The following NCS1 variants were observed in gnomAD, a reference collection of about 807,000 sequenced individuals.
NCS1 encodes neuronal calcium sensor 1, also known as frequenin homolog.
A neutral mutation model predicts 28.4 loss-of-function variants in NCS1; 6 were observed. The observed-to-expected ratio is 0.21, with a 90% CI of 0.12 to 0.42. The LOEUF (loss-of-function observed/expected upper bound fraction) is 0.42. Among genes scored for constraint, NCS1 ranks in the 10% least tolerant of loss-of-function variants. The pLI, the probability that NCS1 is intolerant of heterozygous loss-of-function variation, is 1.00. For synonymous variants in NCS1, 86 were observed against 99.3 expected (o/e 0.87, Z 0.79); for missense variants, 131 against 241.4 (o/e 0.54, Z 3.03).
intron 7 of NCS1, among the ~76,000 whole-genome samples, chr9:130,231,170 G>T (rs1833496802): frequency 6.6e-6 from 1 of 151,962 alleles, no homozygotes; most frequent in Non-Finnish European, 1.5e-5. Context: ...GGGCAACATG[G>T]TGAAACCCTG....
chr9:130,215,328 G>T lies in NCS1; in HGVS notation c.90-2504G>T, dbSNP rs547507290. On this transcript the variant is annotated intron_variant, in intron 2 of 7. Transcript: ENST00000372398. This position sits in a 1 kb window ranked among gnomAD's most constrained non-coding sequence, Gnocchi z 4.2. ...TTTAAGGGCCAGGACGGGGGTGGCTGTGTCCCTTCCTCCTGCTGTGGGAAG... is the reference window on the plus strand; with the variant it reads ...TTTAAGGGCCAGGACGGGGGTGGCTTTGTCCCTTCCTCCTGCTGTGGGAAG... Among the ~76,000 whole-genome samples the T allele has an allele frequency of 2.8e-4, 42 of 152,274 alleles. No homozygotes were observed. Among genetic ancestry groups the T allele is most frequent in the African/African-American group, 1.0e-3 (42 of 41,574 alleles).
chr9:130,228,331 C>T (rs555562733), intron 7 of NCS1, among the ~76,000 whole-genome samples: 4 of 151,848 alleles, frequency 2.6e-5, no homozygotes, highest in African/African-American at 9.7e-5. Flanking sequence ...AGACATTTGC[C>T]ACCATATCTG....
intron 1 of NCS1, among the ~76,000 whole-genome samples, chr9:130,184,784 C>T (rs912054346): frequency 4.5e-4 from 56 of 123,896 alleles, no homozygotes; most frequent in Non-Finnish European, 7.7e-4. Context: ...TGCACCACCA[C>T]GCCTGGCTAA....
At chr9:130,227,201 A>C (rs1833427848) in intron 7 of NCS1, among the ~76,000 whole-genome samples, 1 of 152,200 alleles carries the variant, frequency 6.6e-6, no homozygotes, top group African/African-American at 2.4e-5. Flanking sequence ...GAATGATAGC[A>C]CGCCTGGCAG....
At chr9:130,196,413 G>T (rs1478979550) in intron 1 of NCS1, among the ~76,000 whole-genome samples, 1 of 152,184 alleles carries the variant, frequency 6.6e-6, no homozygotes, top group African/African-American at 2.4e-5. Context: ...GAGGCTGCAG[G>T]CGTCTTGACC....
At chr9:130,203,918 G>T (rs1832991104) in intron 2 of NCS1, among the ~76,000 whole-genome samples, 1 of 152,226 alleles carries the variant, frequency 6.6e-6, no homozygotes, top group Non-Finnish European at 1.5e-5. Context: ...TGGAGCCGCA[G>T]ACAGCAGAGT....
chr9:130,196,320 T>G (rs1202953654), intron 1 of NCS1, among the ~76,000 whole-genome samples: 1 of 152,264 alleles, frequency 6.6e-6, no homozygotes, highest in African/African-American at 2.4e-5. Context: ...GATGCCTCTG[T>G]GTCCTCGAGT....
rs981937991 is a variant in NCS1 at position 130,203,238 on chromosome 9, G to T, written c.89+2256G>T. On this transcript the variant is annotated intron_variant, in intron 2 of 7. Coordinates refer to ENST00000372398, the MANE Select transcript of NCS1 (RefSeq NM_014286.4). ...CAATTACAGTGATTCCCCTGCCTCA[G>T]CCTCTCAAGTAGCTGGAACTACAGA... Among the ~76,000 whole-genome samples the T allele has an allele frequency of 2.3e-4, 35 of 151,576 alleles. 1 individual carries two copies. Among genetic ancestry groups the T allele is most frequent in the African/African-American group, 8.2e-4 (34 of 41,288 alleles).
At position 130,222,667 on chromosome 9, in the gene NCS1, G is replaced by A; in HGVS notation, c.325G>A (p.Asp109Asn). Residue 109 changes from aspartate to asparagine, a missense_variant, in exon 5 of 8, where the codon GAC (aspartate) becomes AAC (asparagine). Physicochemically the swap from Asp to Asn is conservative, Grantham distance 23. Around this residue, in one of 2 missense-constraint regions of NCS1, gnomAD observed 100 missense variants for 210.3 expected, o/e 0.48. Transcript: ENST00000372398. ...EKLRWAFKLY[D>N]LDNDGYITRN... is the part of the protein sequence containing the mutation. ...GCTTACAGGGGCCTTCAAGCTCTAC[G>A]ACTTGGACAATGATGGCTACATCAC... 1 of 1,614,040 alleles carries A rather than the reference G, an allele frequency of 6.2e-7. No individual in the cohort carries two copies. Among genetic ancestry groups the A allele is most frequent in the Non-Finnish European group, 8.5e-7 (1 of 1,179,988 alleles).
chr9:130,193,095 G>A (rs1254958188), intron 1 of NCS1, among the ~76,000 whole-genome samples: 1 of 152,214 alleles, frequency 6.6e-6, no homozygotes, highest in African/African-American at 2.4e-5. Flanking sequence ...GCAGGAGGGT[G>A]TGTGCGGCCA....
chr9:130,223,434 A>T (rs1431175873), intron 6 of NCS1, among the ~76,000 whole-genome samples: 1 of 152,028 alleles, frequency 6.6e-6, no homozygotes, highest in Non-Finnish European at 1.5e-5. Context: ...AGAAGCCTAC[A>T]GACTTCTCAG....
At chr9:130,198,408 A>G (rs574677562) in intron 1 of NCS1, among the ~76,000 whole-genome samples, 1 of 152,290 alleles carries the variant, frequency 6.6e-6, no homozygotes, top group Admixed American at 6.5e-5. Flanking sequence ...GACAGTGGCC[A>G]TGCCACCCAG....
intron 6 of NCS1, among the ~76,000 whole-genome samples, 160 bp downstream of exon 6, chr9:130,223,319 C>G (rs943902718): frequency 6.6e-6 from 1 of 152,126 alleles, no homozygotes; most frequent in African/African-American, 2.4e-5. Flanking sequence ...CTAGCCCCAT[C>G]CAGTGTCCAG....
rs1236452238 is a variant in NCS1, at chr9:130,192,883, A to G, written c.65-8075A>G. Among the ~76,000 whole-genome samples, 2 of 151,684 alleles carry G rather than the reference A, an allele frequency of 1.3e-5. No individual in the cohort carries two copies. The highest frequency in any genetic ancestry group is 2.9e-5 in the Non-Finnish European group (2 of 67,940). Reference sequence around the variant, plus strand: ...TTTCACTCTCTTTTCTGTCCTCCCCACCTCCCAGTGTGCGGTACTCCATGG... The same window carrying G: ...TTTCACTCTCTTTTCTGTCCTCCCCGCCTCCCAGTGTGCGGTACTCCATGG... On this transcript the variant is annotated intron_variant, in intron 1 of 7. Transcript: ENST00000372398. This position sits in a 1 kb window ranked among gnomAD's most constrained non-coding sequence, Gnocchi z 4.8.
intron 7 of NCS1, among the ~76,000 whole-genome samples, chr9:130,229,203 TCA>T (rs1833464083): frequency 6.6e-6 from 1 of 151,668 alleles, no homozygotes; most frequent in South Asian, 2.1e-4. Context: ...GTAAACTGAG[TCA>T]CACAGAAATT....
At chr9:130,193,402 G>T (rs1173143814) in intron 1 of NCS1, among the ~76,000 whole-genome samples, 1 of 151,906 alleles carries the variant, frequency 6.6e-6, no homozygotes, top group Non-Finnish European at 1.5e-5. Flanking sequence ...GAAGAGGCCG[G>T]CACAGCAGCT....
At chr9:130,190,104 G>T (rs1414356681) in intron 1 of NCS1, among the ~76,000 whole-genome samples, 1 of 151,114 alleles carries the variant, frequency 6.6e-6, no homozygotes, top group Non-Finnish European at 1.5e-5. Context: ...TTACTAGCCA[G>T]AAATAACTTT....
intron 1 of NCS1, among the ~76,000 whole-genome samples, chr9:130,184,471 C>CGACAG (rs1352483942): frequency 6.6e-6 from 1 of 152,120 alleles, no homozygotes. Context: ...GGGCCTGGCA[C>CGACAG]GGCTTATCCC....
chr9:130,191,343 C>G lies in NCS1; in HGVS notation c.65-9615C>G, dbSNP rs1220651258. Among the ~76,000 whole-genome samples, 1 of 152,088 alleles carries G rather than the reference C, an allele frequency of 6.6e-6. No homozygotes were observed. Among genetic ancestry groups the G allele is most frequent in the African/African-American group, 2.4e-5 (1 of 41,418 alleles). ...GGGCTGAAGGTTACCTGGCCTGGCC[C>G]GAGTCTGCCCTCCGGGGCCAGGGAC... On this transcript the variant is annotated intron_variant, in intron 1 of 7. Coordinates refer to ENST00000372398, the MANE Select transcript of NCS1 (RefSeq NM_014286.4). The surrounding 1 kb of genome is among the most constrained non-coding windows in gnomAD (Gnocchi z 6.4).
Sources: allele counts gnomAD v4.1 joint callset (sites outside exome capture counted in the v4.1 genomes callset), GRCh38; gene constraint gnomAD v4.1.1; regional missense constraint gnomAD v4.1.1; non-coding constraint Gnocchi (gnomAD v3.1); transcripts MANE v1.5; gene names NCBI Gene and HGNC (gene_info 2026-07-23, HGNC 2026-07-21).